The following RAMP1 variants were observed in gnomAD, a reference collection of about 807,000 sequenced individuals.
The protein encoded by RAMP1 is receptor activity modifying protein 1, also known as receptor activity-modifying protein 1.
A neutral mutation model predicts 8.2 loss-of-function variants in RAMP1; 7 were observed. That is an observed-to-expected ratio of 0.85 (90% confidence interval 0.49 to 1.60). The LOEUF (loss-of-function observed/expected upper bound fraction) is 1.60, where lower values mean the gene tolerates loss of function less well. Among genes scored for constraint, RAMP1 ranks in the 40% most tolerant of loss-of-function variants. RAMP1 has a pLI of 0.00. For missense variants in RAMP1, 192 were observed against 202.4 expected, an observed-to-expected ratio of 0.95 and a Z score of 0.31; for synonymous variants, 92 against 84.7, an observed-to-expected ratio of 1.09 and a Z score of -0.47.
chr2:237,910,648 TACAC>T (rs1174543428), intron 2 of RAMP1, among the ~76,000 whole-genome samples: 1 of 141,788 alleles, frequency 7.1e-6, no homozygotes, highest in Non-Finnish European at 1.5e-5. Flanking sequence ...AACACAGCTA[TACAC>T]ACACAGTCAC....
At chr2:237,860,056 G>A (rs2062117508) in intron 1 of RAMP1, 1 of 217,616 alleles carries the variant, frequency 4.6e-6, no homozygotes, top group Non-Finnish European at 9.1e-6. Context: ...AAAACAGGAC[G>A]CGGGGTTCCC....
intron 2 of RAMP1, among the ~76,000 whole-genome samples, chr2:237,885,710 G>A (rs765482784): frequency 1.3e-5 from 2 of 152,222 alleles, no homozygotes; most frequent in Non-Finnish European, 1.5e-5. Flanking sequence ...CCACACCATC[G>A]CTCCTGCCGT....
chr2:237,874,338 G>C (rs6726176), intron 1 of RAMP1, among the ~76,000 whole-genome samples: 9,332 of 152,308 alleles, frequency 0.061, 489 homozygotes, highest in African/African-American at 0.14. Context: ...ACCTGCATTC[G>C]CTTCACTTGT....
At position 237,877,084 on chromosome 2, in the gene RAMP1, G is replaced by T; in HGVS notation, c.53-140G>T. The T allele has an allele frequency of 9.8e-7, 1 of 1,016,974 alleles. No homozygotes were observed. Among genetic ancestry groups the T allele is most frequent in the Middle Eastern group, 2.6e-4 (1 of 3,828 alleles). The allele number at this position is 1,016,974 out of a possible 1,614,324, so 63.0% of individuals were successfully genotyped here. ...ACAATTGATGAAGAGCGTCCACTTGGAGCCACAGTCGCCCTCTCCAGGGGT... is the reference window on the plus strand; with the variant it reads ...ACAATTGATGAAGAGCGTCCACTTGTAGCCACAGTCGCCCTCTCCAGGGGT... On this transcript the variant is annotated intron_variant, in intron 1 of 2. Transcript: ENST00000254661. This position sits in a 1 kb window ranked among gnomAD's most constrained non-coding sequence, Gnocchi z 4.4.
At chr2:237,906,037 A>G (rs13410675) in intron 2 of RAMP1, among the ~76,000 whole-genome samples, 129,915 of 148,312 alleles carry the variant, frequency 0.88, 56,989 homozygotes, top group African/African-American at 0.91. Context: ...AAAAGGCAGC[A>G]TTCTCACTGT....
rs573852299 is a variant in RAMP1, at chr2:237,877,372, A to G, written c.191+10A>G. ...GGGGCAGGACCATCAGGTGAGTCCCATGGCCCCTGGTGGGCAGGACACGGT... is the reference window on the plus strand; with the variant it reads ...GGGGCAGGACCATCAGGTGAGTCCCGTGGCCCCTGGTGGGCAGGACACGGT... On this transcript the variant is annotated intron_variant, in intron 2 of 2. Coordinates refer to ENST00000254661, the MANE Select transcript of RAMP1 (RefSeq NM_005855.4). The surrounding 1 kb of genome is among the most constrained non-coding windows in gnomAD (Gnocchi z 4.4). 6.5e-5 allele frequency: 104 copies of G among 1,608,900 alleles called. 2 individuals carry two copies. The South Asian group carries it at 1.1e-3, about 16-fold the overall frequency.
At chr2:237,860,850 T>G (rs1239140970) in intron 1 of RAMP1, among the ~76,000 whole-genome samples, 1 of 152,182 alleles carries the variant, frequency 6.6e-6, no homozygotes, top group African/African-American at 2.4e-5. Flanking sequence ...GAGCCATGGA[T>G]TTCTGTTCCC....
At chr2:237,884,432 G>A (rs1161386837) in intron 2 of RAMP1, among the ~76,000 whole-genome samples, 2 of 152,158 alleles carry the variant, frequency 1.3e-5, no homozygotes, top group African/African-American at 4.8e-5. Flanking sequence ...GGGAGGGAGA[G>A]AGAAGGCAGA....
intron 2 of RAMP1, among the ~76,000 whole-genome samples, chr2:237,910,489 A>T (rs558143533): frequency 2.6e-5 from 4 of 152,124 alleles, no homozygotes; most frequent in Admixed American, 2.6e-4. Context: ...ACCCACACAC[A>T]GTCACACACA....
At position 237,909,895 on chromosome 2, in the gene RAMP1, C is replaced by T. The variant is rs1043485162; in HGVS notation, c.192-1633C>T. ...GGAATGAGCTCACCCGCTGTGGCTT[C>T]GAGGGTTAAAATTCCTGGAGCAGAG... On this transcript the variant is annotated intron_variant, in intron 2 of 2. Coordinates refer to ENST00000254661, the MANE Select transcript of RAMP1 (RefSeq NM_005855.4). Among the ~76,000 whole-genome samples, 7 of 152,054 alleles carry T rather than the reference C, an allele frequency of 4.6e-5. No homozygotes were observed. The South Asian group carries it at 6.2e-4, about 14-fold the overall frequency.
intron 2 of RAMP1, among the ~76,000 whole-genome samples, chr2:237,888,628 C>T (rs944569712): frequency 2.0e-5 from 3 of 152,048 alleles, no homozygotes; most frequent in African/African-American, 7.2e-5. Context: ...TCCTATTTGT[C>T]CTGTGAGTCA....
chr2:237,906,010 C>CAA (rs377067863), intron 2 of RAMP1, among the ~76,000 whole-genome samples: 12,861 of 95,582 alleles, frequency 0.13, 840 homozygotes, highest in Non-Finnish European at 0.17. Context: ...GACTCTGTCT[C>CAA]AAAAAAAAAA....
chr2:237,861,034 T>C (rs182639056), intron 1 of RAMP1, among the ~76,000 whole-genome samples: 9 of 152,336 alleles, frequency 5.9e-5, no homozygotes, highest in Admixed American at 3.3e-4. Context: ...CTTCACTGTT[T>C]TCATTTACTA....
chr2:237,869,567 C>A (rs2062224171), intron 1 of RAMP1, among the ~76,000 whole-genome samples: 2 of 152,192 alleles, frequency 1.3e-5, no homozygotes, highest in South Asian at 2.1e-4. Flanking sequence ...ACTTAAGGTT[C>A]TTCCATGTCG....
chr2:237,897,988 T>G (rs1014074289), intron 2 of RAMP1, among the ~76,000 whole-genome samples: 1 of 151,922 alleles, frequency 6.6e-6, no homozygotes, highest in African/African-American at 2.4e-5. Flanking sequence ...TAGTAGAGAC[T>G]GGGTTTCACC....
chr2:237,879,649 A>T (rs1303774090), intron 2 of RAMP1, among the ~76,000 whole-genome samples: 1 of 133,280 alleles, frequency 7.5e-6, no homozygotes. Context: ...ATACGTAACA[A>T]ACCTGCACGT....
Position 237,895,581 on chromosome 2 carries a change from C to T in RAMP1, c.192-15947C>T, listed in dbSNP as rs1330701578. Among the ~76,000 whole-genome samples, 7 of 152,148 alleles carry T rather than the reference C, an allele frequency of 4.6e-5. No individual in the cohort carries two copies. The East Asian group carries it at 1.4e-3, about 29-fold the overall frequency. ...ATGGAGGCGGCCAGTTGGTGGGATG[C>T]CCGAACAGGGACCAGCATGGTGCAG... On this transcript the variant is annotated intron_variant, in intron 2 of 2. Transcript: ENST00000254661.
intron 2 of RAMP1, among the ~76,000 whole-genome samples, chr2:237,897,674 G>A (rs987478967): frequency 3.3e-5 from 5 of 151,998 alleles, no homozygotes; most frequent in African/African-American, 1.2e-4. Flanking sequence ...GAAGCCTATG[G>A]TGAGGCTTCT....
At chr2:237,867,983 G>A (rs187652954) in intron 1 of RAMP1, among the ~76,000 whole-genome samples, 179 of 151,542 alleles carry the variant, frequency 1.2e-3, no homozygotes, top group African/African-American at 3.8e-3. Flanking sequence ...TTTTCATGGT[G>A]TAGAAAATTG....
Sources: gnomAD v4.1 joint callset for allele counts (sites outside exome capture counted in the v4.1 genomes callset) on GRCh38, gnomAD v4.1.1 for gene constraint, Gnocchi (gnomAD v3.1) non-coding constraint, MANE v1.5 for transcripts, NCBI Gene and HGNC (gene_info 2026-07-23, HGNC 2026-07-21) for gene names.